ZNF346: variants seen among roughly 807,000 people sequenced by gnomAD.
ZNF346 encodes double-stranded RNA-binding zinc finger protein JAZ.
A neutral mutation model predicts 33.7 loss-of-function variants in ZNF346; 23 were observed. The observed-to-expected ratio is 0.68, with a 90% CI of 0.49 to 0.97. The LOEUF is 0.97. Ranked by LOEUF, ZNF346 falls within the 50% of genes least tolerant of loss-of-function variation. The probability of loss-of-function intolerance (pLI) is 0.00; values close to 1 mark genes in which losing one functional copy is unlikely to be tolerated. For synonymous variants in ZNF346, 134 were observed against 142.4 expected (o/e 0.94, Z 0.42); for missense variants, 340 against 371.1 (o/e 0.92, Z 0.69).
At chr5:177,030,209 C>T (rs958304484) in intron 1 of ZNF346, among the ~76,000 whole-genome samples, 1 of 152,134 alleles carries the variant, frequency 6.6e-6, no homozygotes, top group Non-Finnish European at 1.5e-5. Context: ...TTCTTTGATA[C>T]ATGTTATTCA....
chr5:177,029,569 A>C (rs1777374872), intron 1 of ZNF346, among the ~76,000 whole-genome samples: 1 of 152,226 alleles, frequency 6.6e-6, no homozygotes. Context: ...GTGAGAGACC[A>C]AGGCAACTCT....
chr5:177,069,459 A>AG (rs1023451502), downstream of ZNF346, among the ~76,000 whole-genome samples: 2 of 151,774 alleles, frequency 1.3e-5, no homozygotes, highest in Admixed American at 6.6e-5. Flanking sequence ...TCTCAAAAAA[A>AG]AAAAAACAAG....
At chr5:177,040,963 C>A (rs1190509957) in intron 1 of ZNF346, among the ~76,000 whole-genome samples, 163 bp from the exon 2 acceptor site, 1 of 152,012 alleles carries the variant, frequency 6.6e-6, no homozygotes, top group Non-Finnish European at 1.5e-5. Flanking sequence ...GGTGTGAGAA[C>A]ACAGCATGAG....
chr5:177,074,661 G>A (rs1387905063), intron 8 of ZNF346, among the ~76,000 whole-genome samples: 22 of 152,142 alleles, frequency 1.4e-4, no homozygotes, highest in Non-Finnish European at 3.1e-4. Context: ...TGTGTAAGCA[G>A]GTTTGAATTT....
chr5:177,061,234 CAA>C (rs894603153), intron 5 of ZNF346, among the ~76,000 whole-genome samples: 19 of 152,128 alleles, frequency 1.2e-4, no homozygotes, highest in Admixed American at 4.6e-4. Flanking sequence ...ATCATGAGGT[CAA>C]GAGAGAGAGA....
chr5:177,029,653 A>G (rs1777385961), intron 1 of ZNF346, among the ~76,000 whole-genome samples: 1 of 152,210 alleles, frequency 6.6e-6, no homozygotes, highest in African/African-American at 2.4e-5. Context: ...TTGGAAGAGG[A>G]CCAAGATGGC....
At position 177,067,984 on chromosome 5, in the gene ZNF346, A is replaced by G. The variant is rs1340060821; in HGVS notation, c.*3385A>G. ...ATAAATAAAAACCATGGAGAGAAGG[A>G]ACAAGGCTGAAAAAGGTATCATGAT... On this transcript the variant is annotated 3_prime_UTR_variant, in exon 7 of 7. Transcript: ENST00000358149. Among the ~76,000 whole-genome samples, 1 of 152,204 alleles carries G rather than the reference A, an allele frequency of 6.6e-6. No individual in the cohort carries two copies. Among genetic ancestry groups the G allele is most frequent in the Non-Finnish European group, 1.5e-5 (1 of 68,034 alleles).
At position 177,051,014 on chromosome 5, in the gene ZNF346, T is replaced by C. The variant is rs1031380594; in HGVS notation, c.703+78T>C. 16 of 1,155,898 alleles carry C rather than the reference T, an allele frequency of 1.4e-5. No homozygotes were observed. The East Asian group carries it at 3.3e-4, about 24-fold the overall frequency. 71.6% of individuals were successfully genotyped at this position (1,155,898 alleles called of 1,614,324 possible). The stretch of plus-strand genomic sequence containing the variant: ...CTACCCGGACCAGCTGACGTTGTGC[T>C]TTTCCTCCTTAGGTCTTGTAAGTAG... On this transcript the variant is annotated intron_variant, in intron 5 of 6. Coordinates refer to ENST00000358149, the MANE Select transcript of ZNF346 (RefSeq NM_012279.4).
intron 1 of ZNF346, among the ~76,000 whole-genome samples, chr5:177,035,429 G>A (rs182910941): frequency 6.6e-6 from 1 of 151,862 alleles, no homozygotes; most frequent in African/African-American, 2.4e-5. Context: ...CAAAAAGGAT[G>A]TGTAGTCAGG....
Position 177,051,253 on chromosome 5 carries a change from C to G in ZNF346, c.703+317C>G, listed in dbSNP as rs541629755. 2.3e-3 allele frequency among the ~76,000 whole-genome samples: 334 copies of G among 144,312 alleles called. 2 individuals carry two copies. Among genetic ancestry groups the G allele is most frequent in the African/African-American group, 8.3e-3 (316 of 37,912 alleles). The allele number at this position is 144,312 out of a possible 152,430, so 94.7% of individuals were successfully genotyped here. ...GCAGTGGCGCGATCTCGGCTTACTGCAAGCTCCACCTCCCAGGTTCATGCC... is the reference window on the plus strand; with the variant it reads ...GCAGTGGCGCGATCTCGGCTTACTGGAAGCTCCACCTCCCAGGTTCATGCC... On this transcript the variant is annotated intron_variant, in intron 5 of 6. Coordinates refer to ENST00000358149, the MANE Select transcript of ZNF346 (RefSeq NM_012279.4).
In ZNF346 at chr5:177,041,843, G is replaced by C. The variant is rs1294223307; in HGVS notation, c.345G>C (p.Gly115=). 1 of 1,613,164 alleles carries C rather than the reference G, an allele frequency of 6.2e-7. No individual in the cohort carries two copies. Among genetic ancestry groups the C allele is most frequent in the African/African-American group, 1.3e-5 (1 of 74,878 alleles). ...LAIHGMETLK[G]ETKKLDSDQK... ...TCCATGGAATGGAGACATTAAAGGG[G>C]GAAACGAAGAAGCTAGACTCAGATC... The change falls in exon 3 of 7, where the codon GGG becomes GGC. Residue 115 remains glycine, a synonymous_variant. Coordinates refer to ENST00000358149, the MANE Select transcript of ZNF346 (RefSeq NM_012279.4).
At position 177,041,630 on chromosome 5, in the gene ZNF346, G is replaced by T. The variant is rs1055799445; in HGVS notation, c.280-148G>T. The T allele has an allele frequency of 1.1e-5, 7 of 611,150 alleles. No homozygotes were observed. The African/African-American group carries it at 1.3e-4, about 11-fold the overall frequency. The allele number at this position is 611,150 out of a possible 1,614,324, so 37.9% of individuals were successfully genotyped here. A position where few individuals can be genotyped will look rare whatever the true frequency, so the allele number is the denominator to read the frequency against. Reference sequence around the variant, plus strand: ...AAATTTGGTAGCTGTAAAATGCCTTGCACAGAGCAGGAACTCAAACTTCCC... The same window carrying T: ...AAATTTGGTAGCTGTAAAATGCCTTTCACAGAGCAGGAACTCAAACTTCCC... On this transcript the variant is annotated intron_variant, in intron 2 of 6. Coordinates refer to ENST00000358149, the MANE Select transcript of ZNF346 (RefSeq NM_012279.4).
intron 3 of ZNF346, among the ~76,000 whole-genome samples, chr5:177,043,940 G>C (rs1779704564): frequency 6.6e-6 from 1 of 152,156 alleles, no homozygotes. Flanking sequence ...AGTTTAGGGT[G>C]GCAAGTGGTA....
chr5:177,056,693 C>T (rs1781728232), intron 5 of ZNF346, among the ~76,000 whole-genome samples: 1 of 150,150 alleles, frequency 6.7e-6, no homozygotes, highest in African/African-American at 2.5e-5. Flanking sequence ...CATATTCTCA[C>T]TCACAGGTGG....
chr5:177,054,054 T>C (rs1758952038), intron 5 of ZNF346, among the ~76,000 whole-genome samples: 1 of 150,990 alleles, frequency 6.6e-6, no homozygotes, highest in Non-Finnish European at 1.5e-5. Flanking sequence ...TTAAAAAACT[T>C]ATGAATTGTT....
At chr5:177,031,900 G>T (rs1331455030) in intron 1 of ZNF346, among the ~76,000 whole-genome samples, 1 of 148,016 alleles carries the variant, frequency 6.8e-6, no homozygotes, top group African/African-American at 2.5e-5. Context: ...CAAATTTATT[G>T]TATTATAATT....
Position 177,062,115 on chromosome 5 carries a change from A to G in ZNF346, c.761A>G (p.Tyr254Cys). 1 of 1,614,162 alleles carries G rather than the reference A, an allele frequency of 6.2e-7. No homozygotes were observed. The change falls in exon 6 of 7, where the codon TAC (tyrosine) becomes TGC (cysteine). Residue 254 changes from tyrosine (Y) to cysteine (C), a missense_variant. Tyr to Cys is a radical substitution (Grantham distance 194). Coordinates refer to ENST00000358149, the MANE Select transcript of ZNF346 (RefSeq NM_012279.4). ...CKIVLNSIEQYQAHVSGFKHK... is the reference protein window; with the variant it reads ...CKIVLNSIEQCQAHVSGFKHK... ...ATAGTGCTGAACTCCATAGAACAGT[A>G]CCAAGCTCATGTCAGCGGCTTCAAA...
At chr5:177,033,059 C>T (rs1392711006) in intron 1 of ZNF346, among the ~76,000 whole-genome samples, 2 of 152,126 alleles carry the variant, frequency 1.3e-5, no homozygotes, top group Non-Finnish European at 2.9e-5. Context: ...CCCAACCTCC[C>T]TTTCCTATGA....
At chr5:177,050,983 C>A in intron 5 of ZNF346, 47 bp downstream of exon 5, 1 of 1,483,580 alleles carries the variant, frequency 6.7e-7, no homozygotes, top group Non-Finnish European at 9.4e-7. Context: ...GGTTTGGCCA[C>A]TGGGGCTACC....
Sources: gnomAD v4.1 joint callset for allele counts (sites outside exome capture counted in the v4.1 genomes callset) on GRCh38, gnomAD v4.1.1 for gene constraint, MANE v1.5 for transcripts, NCBI Gene and HGNC (gene_info 2026-07-23, HGNC 2026-07-21) for gene names.